The following BRCA1 variants were observed in gnomAD, a reference collection of about 807,000 sequenced individuals.
BRCA1 encodes the protein breast cancer type 1 susceptibility protein.
In BRCA1, 140 loss-of-function variants were observed where a neutral mutation model predicts 173.7. The observed-to-expected ratio is 0.81, with a 90% CI of 0.70 to 0.93. BRCA1 has a LOEUF of 0.93. Ranked by LOEUF, BRCA1 falls within the 40% of genes least tolerant of loss-of-function variation. The pLI, the probability that BRCA1 is intolerant of heterozygous loss-of-function variation, is 0.00. For missense variants in BRCA1, 1,983 were observed against 2,172.5 expected (o/e 0.91, Z 1.73); for synonymous variants, 662 against 756.0 (o/e 0.88, Z 2.04).
intron 2 of BRCA1, among the ~76,000 whole-genome samples, chr17:43,121,820 ATC>A (rs774408406): frequency 6.6e-6 from 1 of 151,886 alleles, no homozygotes; most frequent in Non-Finnish European, 1.5e-5. Context: ...ATTTTTATGT[ATC>A]TGAGTTTTTA....
At chr17:43,127,273 G>A (rs1292407836), upstream of BRCA1, among the ~76,000 whole-genome samples, 3 of 152,254 alleles carry the variant, frequency 2.0e-5, no homozygotes, top group Admixed American at 2.0e-4. Context: ...GTCAGATGGG[G>A]ACTTGGAAAA....
In BRCA1 at chr17:43,091,663, T is replaced by C. The variant is rs80357254; in HGVS notation, c.3868A>G (p.Lys1290Glu). The C allele has an allele frequency of 7.4e-6, 12 of 1,614,198 alleles. No homozygotes were observed. Among genetic ancestry groups the C allele is most frequent in the Non-Finnish European group, 9.3e-6 (11 of 1,180,026 alleles). Reference protein sequence around the residue: ...SQEHHLSEETKCSASLFSSQC... With the variant: ...SQEHHLSEETECSASLFSSQC... ...GAAGAAAACAAGCTAGCAGAACATT[T>C]TGTTTCCTCACTAAGGTGATGTTCC... Residue 1290 changes from lysine to glutamate, a missense_variant, in exon 10 of 23, where the codon AAA (lysine) becomes GAA (glutamate). Coordinates refer to ENST00000357654, the MANE Select transcript of BRCA1 (RefSeq NM_007294.4).
chr17:43,123,764 G>C lies in BRCA1; in HGVS notation c.80+253C>G, dbSNP rs552947216. 2.0e-5 allele frequency among the ~76,000 whole-genome samples: 3 copies of C among 152,304 alleles called. No individual in the cohort carries two copies. In the South Asian group the frequency reaches 6.2e-4, roughly 32 times the overall value. Reference sequence around the variant, plus strand: ...CCTGCCCCAGTGCAGAACCAATCAAGACAGAGTCCCTGTCTTTCCCGGACC... The same window carrying C: ...CCTGCCCCAGTGCAGAACCAATCAACACAGAGTCCCTGTCTTTCCCGGACC... On this transcript the variant is annotated intron_variant, in intron 2 of 22. Coordinates refer to ENST00000357654, the MANE Select transcript of BRCA1 (RefSeq NM_007294.4).
At chr17:43,102,357 CTT>C (rs35584960) in intron 6 of BRCA1, among the ~76,000 whole-genome samples, 4 of 93,194 alleles carry the variant, frequency 4.3e-5, no homozygotes, top group Non-Finnish European at 2.0e-5. Context: ...AGGCGTGAAG[CTT>C]TTTTTTTTTT....
intron 17 of BRCA1, 70 bp from the exon 18 acceptor site, chr17:43,063,443 G>T: frequency 7.7e-7 from 1 of 1,300,852 alleles, no homozygotes. Context: ...AGATAGAGAG[G>T]TCAGCGATTC....
At chr17:43,159,078 C>A (rs2056215976) in intron 1 of BRCA1, among the ~76,000 whole-genome samples, 1 of 150,062 alleles carries the variant, frequency 6.7e-6, no homozygotes, top group Admixed American at 6.6e-5. Context: ...TCTACAAACA[C>A]ACACACAAAC....
At chr17:43,129,477 CT>C (rs953609558), upstream of BRCA1, among the ~76,000 whole-genome samples, 10 of 148,678 alleles carry the variant, frequency 6.7e-5, no homozygotes, top group African/African-American at 7.4e-5. Context: ...TCTTTTTTTT[CT>C]TTTTTTTTTG....
intron 3 of BRCA1, among the ~76,000 whole-genome samples, chr17:43,109,041 T>TATCTACCTAC (rs1555597941): frequency 4.6e-5 from 7 of 151,468 alleles, no homozygotes; most frequent in African/African-American, 1.2e-4. Context: ...TATCTATATC[T>TATCTACCTAC]CTATCTATCT....
At chr17:43,130,253 A>T (rs1355332024), upstream of BRCA1, among the ~76,000 whole-genome samples, 1 of 152,080 alleles carries the variant, frequency 6.6e-6, no homozygotes, top group East Asian at 1.9e-4. Context: ...TAGGTTCACG[A>T]TCCTTCCACC....
At chr17:43,110,448 T>C in intron 3 of BRCA1, 4 of 332,430 alleles carry the variant, frequency 1.2e-5, no homozygotes, top group South Asian at 6.9e-5. Context: ...TAGCTGGATA[T>C]GGTGGTGTGC....
rs370299792 is a variant in BRCA1 at position 43,067,594 on chromosome 17, G to A, written c.5074+14C>T. 8.8e-6 allele frequency: 14 copies of A among 1,587,094 alleles called. No homozygotes were observed. The highest frequency in any genetic ancestry group is 1.2e-5 in the Non-Finnish European group (14 of 1,155,714). On this transcript the variant is annotated intron_variant, in intron 16 of 22. Coordinates refer to ENST00000357654, the MANE Select transcript of BRCA1 (RefSeq NM_007294.4). ...CAGCAGATGCAAGGTATTCTGTAAA[G>A]GTTCTTGGTATACCTGTTTTCATAA...
intron 2 of BRCA1, among the ~76,000 whole-genome samples, chr17:43,121,072 C>T (rs1329328815): frequency 5.1e-5 from 7 of 138,114 alleles, no homozygotes; most frequent in African/African-American, 1.6e-4. Flanking sequence ...TCCAACCCCC[C>T]ACCCCGAAAA....
chr17:43,148,125 A>T (rs2056135298), intron 1 of BRCA1, among the ~76,000 whole-genome samples: 1 of 152,194 alleles, frequency 6.6e-6, no homozygotes, highest in Non-Finnish European at 1.5e-5. Context: ...TAATTCTAAA[A>T]TTCTAATGTA....
rs886039963 is a variant in BRCA1 at position 43,093,838 on chromosome 17, C to T, written c.1693G>A (p.Glu565Lys). 6.2e-7 allele frequency: 1 copy of T among 1,613,314 alleles called. No individual in the cohort carries two copies. ...NKTKGDSIQNEKNPNPIESLE... is the reference protein window; with the variant it reads ...NKTKGDSIQNKKNPNPIESLE... Reference sequence around the variant, plus strand: ...GATTCTATTGGGTTAGGATTTTTCTCATTCTGAATAGAATCACCTTTTGTT... The same window carrying T: ...GATTCTATTGGGTTAGGATTTTTCTTATTCTGAATAGAATCACCTTTTGTT... Residue 565 changes from glutamate (E) to lysine (K), a missense_variant, in exon 10 of 23, where the codon GAG becomes AAG. Transcript: ENST00000357654.
intron 13 of BRCA1, among the ~76,000 whole-genome samples, chr17:43,075,597 C>A (rs971341611): frequency 6.6e-6 from 1 of 151,640 alleles, no homozygotes; most frequent in Non-Finnish European, 1.5e-5. Context: ...GAGTCTTGCT[C>A]TGTCGCCCAG....
In BRCA1 at chr17:43,094,645, T is replaced by C. The variant is rs748675395; in HGVS notation, c.886A>G (p.Arg296Gly). Residue 296 changes from arginine to glycine, a missense_variant, in exon 10 of 23, where the codon AGA becomes GGA. Physicochemically the swap from Arg to Gly is moderately radical, Grantham distance 125 (BLOSUM62 -2). Coordinates refer to ENST00000357654, the MANE Select transcript of BRCA1 (RefSeq NM_007294.4). ...AATTCAGCCTTTTCTACATTCATTCTGTCTTTAGTGAGTAATAAACTGCTG... is the reference window on the plus strand; with the variant it reads ...AATTCAGCCTTTTCTACATTCATTCCGTCTTTAGTGAGTAATAAACTGCTG... ...ENSSLLLTKD[R>G]MNVEKAEFCN... 8 of 1,614,094 alleles carry C rather than the reference T, an allele frequency of 5.0e-6. No homozygotes were observed. The highest frequency in any genetic ancestry group is 6.8e-6 in the Non-Finnish European group (8 of 1,180,044).
At chr17:43,141,373 A>G (rs1166440385) in intron 1 of BRCA1, among the ~76,000 whole-genome samples, 1 of 152,132 alleles carries the variant, frequency 6.6e-6, no homozygotes, top group Non-Finnish European at 1.5e-5. Context: ...CTGGAGGCTG[A>G]GGCAGGAGGA....
intron 20 of BRCA1, 108 bp downstream of exon 20, chr17:43,050,955 A>G: frequency 8.9e-7 from 1 of 1,122,252 alleles, no homozygotes. Context: ...TAGCCTCTAG[A>G]ACATTTCAGC....
chr17:43,144,044 C>A (rs369411529), intron 1 of BRCA1, among the ~76,000 whole-genome samples: 28 of 152,198 alleles, frequency 1.8e-4, no homozygotes, highest in African/African-American at 6.7e-4. Context: ...GATGGTGAAA[C>A]CCTGTCTCTA....
Sources: allele counts gnomAD v4.1 joint callset (sites outside exome capture counted in the v4.1 genomes callset), GRCh38; gene constraint gnomAD v4.1.1; transcripts MANE v1.5; gene names NCBI Gene and HGNC (gene_info 2026-07-23, HGNC 2026-07-21).